The following DMRTC1 variants were observed in gnomAD, a reference collection of about 807,000 sequenced individuals.
DMRTC1 encodes doublesex- and mab-3-related transcription factor C1.
For missense variants in DMRTC1, 9 were observed against 34.6 expected, an observed-to-expected ratio of 0.26 and a Z score of 1.86; for synonymous variants, 7 against 14.1, an observed-to-expected ratio of 0.50 and a Z score of 1.13.
intron 1 of DMRTC1, among the ~76,000 whole-genome samples, chrX:72,905,986 C>T (rs1203037842): frequency 9.7e-6 from 1 of 103,024 alleles, no homozygotes; most frequent in Non-Finnish European, 2.0e-5. Flanking sequence ...ATTAACAAAC[C>T]TTTAGCCAGA....
intron 1 of DMRTC1, among the ~76,000 whole-genome samples, chrX:72,922,658 CAA>C (rs1371259884): frequency 0.28 from 9,735 of 35,257 alleles, 3,192 homozygotes; most frequent in African/African-American, 0.46. Flanking sequence ...ACAACAACAA[CAA>C]AAAAAAAAAC....
intron 1 of DMRTC1, among the ~76,000 whole-genome samples, chrX:72,881,884 G>C (rs1298999300): frequency 8.9e-6 from 1 of 112,341 alleles, no homozygotes; most frequent in African/African-American, 3.2e-5. Context: ...GTCACATCTG[G>C]AGGCTCCTAA....
chrX:72,882,056 C>T (rs2054868172), intron 1 of DMRTC1, among the ~76,000 whole-genome samples: 1 of 102,873 alleles, frequency 9.7e-6, no homozygotes, highest in African/African-American at 3.5e-5. Flanking sequence ...GGATATTCTG[C>T]TCTCCAACAG....
At chrX:72,881,907 T>C (rs1427272435) in intron 1 of DMRTC1, among the ~76,000 whole-genome samples, 3 of 114,011 alleles carry the variant, frequency 2.6e-5, no homozygotes, top group Middle Eastern at 4.6e-3. Flanking sequence ...CCAGTTTCTC[T>C]AGTTATCGGT....
At position 72,872,501 on chromosome X, in the gene DMRTC1, G is replaced by T; in HGVS notation, c.530C>A (p.Ser177Tyr). ...CAGATGTCCAATAGGCAGCGAGATG[G>T]AGCTGGCTGGCCTGGGGCGGAGAGA... ...SPSLRPRPAS[S>Y]ISLPIGHLGC... The change falls in exon 7 of 7, where the codon TCC becomes TAC. Residue 177 changes from serine (S) to tyrosine (Y), a missense_variant. By Grantham distance (144) the Ser-to-Tyr change is moderately radical. Transcript: ENST00000615063. 8.7e-7 allele frequency: 1 copy of T among 1,155,510 alleles called. No individual in the cohort carries two copies. Among genetic ancestry groups the T allele is most frequent in the Non-Finnish European group, 1.1e-6 (1 of 875,201 alleles).
At position 72,880,657 on chromosome X, in the gene DMRTC1, T is replaced by TTG. The variant is rs1569461348; in HGVS notation, c.-94-4870_-94-4869insCA. Among the ~76,000 whole-genome samples the TTG allele has an allele frequency of 3.1e-3, 34 of 10,926 alleles. No individual in the cohort carries two copies. The East Asian group carries it at 0.062, about 20-fold the overall frequency. 9.5% of individuals were successfully genotyped at this position (10,926 alleles called of 115,157 possible). A position where few individuals can be genotyped will look rare whatever the true frequency, so the allele number is the denominator to read the frequency against. On this transcript the variant is annotated intron_variant, in intron 1 of 6. Coordinates refer to ENST00000615063, the MANE Select transcript of DMRTC1 (RefSeq NM_033053.3). ...CTTTGCTTTGCTTTGCTTTGCTTTTTCTCTTTGCTTTGCTTTGCTTTTTCT... is the reference window on the plus strand; with the variant it reads ...CTTTGCTTTGCTTTGCTTTGCTTTTTTGCTCTTTGCTTTGCTTTGCTTTTTCT...
In DMRTC1 at chrX:72,877,339, A is replaced by AT. The variant is rs1465836896; in HGVS notation, c.-94-1552dup. On this transcript the variant is annotated intron_variant, in intron 1 of 6. Coordinates refer to ENST00000615063, the MANE Select transcript of DMRTC1 (RefSeq NM_033053.3). ...CAGGCGTGAGCCACCGCGCCCCGCCATTTTTTGTATTTTTTAATAGAGACG... is the reference window on the plus strand; with the variant it reads ...CAGGCGTGAGCCACCGCGCCCCGCCATTTTTTTGTATTTTTTAATAGAGACG... Among the ~76,000 whole-genome samples, 43 of 14,717 alleles carry AT rather than the reference A, an allele frequency of 2.9e-3. 1 individual carries two copies. The highest frequency in any genetic ancestry group is 0.011 in the African/African-American group (37 of 3,383). The allele number at this position is 14,717 out of a possible 115,157, so 12.8% of individuals were successfully genotyped here.
Position 72,872,630 on chromosome X carries a change from T to C in DMRTC1, c.467-66A>G, listed in dbSNP as rs1196284246. 2.5e-6 allele frequency: 3 copies of C among 1,194,543 alleles called. No individual in the cohort carries two copies. In the African/African-American group the frequency reaches 5.5e-5, roughly 22 times the overall value. ...ACATCCCCTTCCAGATCTACTCTTT[T>C]TATGCGTCCCGCCCAACCAAAGATT... On this transcript the variant is annotated intron_variant, in intron 6 of 6. Coordinates refer to ENST00000615063, the MANE Select transcript of DMRTC1 (RefSeq NM_033053.3).
intron 1 of DMRTC1, among the ~76,000 whole-genome samples, chrX:72,916,718 C>T (rs2054993182): frequency 2.5e-5 from 1 of 39,302 alleles, no homozygotes; most frequent in East Asian, 9.7e-4. Context: ...GGAGCCTAAC[C>T]GTGGGCCTTC....
At chrX:72,916,457 C>G (rs1351168352) in intron 1 of DMRTC1, among the ~76,000 whole-genome samples, 1 of 103,940 alleles carries the variant, frequency 9.6e-6, no homozygotes, top group East Asian at 3.1e-4. Flanking sequence ...CTAAAACATT[C>G]ATGGAGTCAG....
intron 1 of DMRTC1, among the ~76,000 whole-genome samples, chrX:72,879,713 TTCTA>T (rs782590000): frequency 5.6e-5 from 5 of 89,422 alleles, no homozygotes; most frequent in Non-Finnish European, 9.2e-5. Context: ...TTAATCAGTT[TTCTA>T]TCTCTTTCTT....
chrX:72,879,147 GTTTTTT>G (rs781972795), intron 1 of DMRTC1, among the ~76,000 whole-genome samples: 40 of 12,770 alleles, frequency 3.1e-3, no homozygotes, highest in African/African-American at 7.8e-3. Flanking sequence ...TTTTTTGTTT[GTTTTTT>G]TTTTTTTTTT....
At chrX:72,913,133 C>T (rs2054963659) in intron 1 of DMRTC1, 2 of 505,845 alleles carry the variant, frequency 4.0e-6, no homozygotes, top group African/African-American at 2.6e-5. Context: ...GCCTGTCTCA[C>T]TGGCTCGCCA....
chrX:72,879,717 A>G (rs1253921501), intron 1 of DMRTC1, among the ~76,000 whole-genome samples: 3 of 78,954 alleles, frequency 3.8e-5, no homozygotes, highest in Admixed American at 1.6e-4. Flanking sequence ...TCAGTTTTCT[A>G]TCTCTTTCTT....
chrX:72,913,160 C>T lies in DMRTC1; in HGVS notation c.-95+30415G>A, dbSNP rs1409160105. ...GGCTCGCCACCAAGCCCATCCGCCT[C>T]CCCTTCCTGTTCCACCAAGAGAACC... On this transcript the variant is annotated intron_variant, in intron 1 of 6. Coordinates refer to ENST00000615063, the MANE Select transcript of DMRTC1 (RefSeq NM_033053.3). 101 of 599,891 alleles carry T rather than the reference C, an allele frequency of 1.7e-4. 2 individuals are homozygous for T. In the Middle Eastern group the frequency reaches 2.4e-3, roughly 14 times the overall value. The allele number at this position is 599,891 out of a possible 1,213,427, so 49.4% of individuals were successfully genotyped here.
intron 1 of DMRTC1, among the ~76,000 whole-genome samples, chrX:72,879,754 A>T (rs1556352534): frequency 3.0e-5 from 2 of 65,924 alleles, no homozygotes; most frequent in Non-Finnish European, 6.8e-5. Context: ...TTTCTTTCTT[A>T]CCCTTTCTTT....
chrX:72,881,895 C>T (rs1304836821), intron 1 of DMRTC1, among the ~76,000 whole-genome samples: 1 of 113,219 alleles, frequency 8.8e-6, no homozygotes, highest in Non-Finnish European at 1.9e-5. Context: ...AGGCTCCTAA[C>T]GCCAGTTTCT....
chrX:72,879,771 TTC>T (rs1243051464), intron 1 of DMRTC1, among the ~76,000 whole-genome samples: 2 of 113,602 alleles, frequency 1.8e-5, no homozygotes, highest in South Asian at 3.5e-4. Context: ...CTTTCTCCCT[TTC>T]TCTCTCTCTT....
chrX:72,905,959 TTGAAAAGA>T (rs1199064069), intron 1 of DMRTC1, among the ~76,000 whole-genome samples: 1 of 111,174 alleles, frequency 9.0e-6, no homozygotes, highest in Non-Finnish European at 1.9e-5. Context: ...AGTTGGTTTT[TTGAAAAGA>T]TAAACAAAAT....
Sources: allele counts gnomAD v4.1 joint callset (sites outside exome capture counted in the v4.1 genomes callset), GRCh38; gene constraint gnomAD v4.1.1; transcripts MANE v1.5; gene names NCBI Gene and HGNC (gene_info 2026-07-23, HGNC 2026-07-21).